The following RELA variants were observed in gnomAD, a reference collection of about 807,000 sequenced individuals.
RELA encodes the protein transcription factor p65.
A neutral mutation model predicts 56.7 loss-of-function variants in RELA; 14 were observed. The ratio of observed to expected loss-of-function variants is 0.25; its 90% CI spans 0.16 to 0.39. RELA has a LOEUF of 0.39. RELA is among the 10% of genes least tolerant of loss of function. The pLI is 1.00. For missense variants in RELA, 559 were observed against 736.4 expected (o/e 0.76, Z 2.79); for synonymous variants, 315 against 289.7 (o/e 1.09, Z -0.89).
chr11:65,658,888 G>A lies in RELA; in HGVS notation c.560-66C>T. ...GAGGTCCCCAGGGTGGCCTGCAGGA[G>A]ATGCAACTTCCCTGCCCAGCCCAGA... is the stretch of plus-strand genomic sequence containing the variant. On this transcript the variant is annotated intron_variant, in intron 6 of 10. Transcript: ENST00000406246. This position sits in a 1 kb window ranked among gnomAD's most constrained non-coding sequence, Gnocchi z 4.5. 1 of 1,312,112 alleles carries A rather than the reference G, an allele frequency of 7.6e-7. No individual in the cohort carries two copies. The highest frequency in any genetic ancestry group is 2.3e-5 in the East Asian group (1 of 43,504). The allele number at this position is 1,312,112 out of a possible 1,614,324, so 81.3% of individuals were successfully genotyped here. A position where few individuals can be genotyped will look rare whatever the true frequency, so the allele number is the denominator to read the frequency against.
chr11:65,662,550 G>GC, intron 1 of RELA: 1 of 424,632 alleles, frequency 2.4e-6, no homozygotes, highest in Non-Finnish European at 4.1e-6. Flanking sequence ...AGCCAGAGCT[G>GC]CCCCCATGGA....
rs376030461 is a variant in RELA at position 65,656,917 on chromosome 11, CG to C, written c.878-983del. 2.3e-3 allele frequency among the ~76,000 whole-genome samples: 349 copies of C among 152,094 alleles called. 1 individual carries two copies. Among genetic ancestry groups the C allele is most frequent in the African/African-American group, 7.9e-3 (329 of 41,472 alleles). On this transcript the variant is annotated intron_variant, in intron 8 of 10. Transcript: ENST00000406246. ...GCGGGCGCCTGTAGTCCCAGCTACT[CG>C]GGAGGCTGAGGCAGGGAGAATCACT...
Position 65,654,305 on chromosome 11 carries a change from G to T in RELA, c.*73C>A. 6.3e-7 allele frequency: 1 copy of T among 1,596,934 alleles called. No individual in the cohort carries two copies. The highest frequency in any genetic ancestry group is 2.2e-5 in the East Asian group (1 of 44,742). On this transcript the variant is annotated 3_prime_UTR_variant, in exon 11 of 11. Transcript: ENST00000406246. ...GGGGCAGTTGGAACACACCCCACCAGAATCCGTAAGTGCTTTTGGAGGGCT... is the reference window on the plus strand; with the variant it reads ...GGGGCAGTTGGAACACACCCCACCATAATCCGTAAGTGCTTTTGGAGGGCT...
At chr11:65,659,333 C>T (rs938225736) in intron 6 of RELA, among the ~76,000 whole-genome samples, 2 of 152,204 alleles carry the variant, frequency 1.3e-5, no homozygotes, top group Non-Finnish European at 2.9e-5. Flanking sequence ...TCATCATTCT[C>T]GAACACTATC....
At chr11:65,656,438 A>C (rs199750049) in intron 8 of RELA, among the ~76,000 whole-genome samples, 1 of 152,192 alleles carries the variant, frequency 6.6e-6, no homozygotes, top group Non-Finnish European at 1.5e-5. Context: ...AAGCACTTCA[A>C]TTCCATCAAT....
intron 8 of RELA, 115 bp from the exon 9 acceptor site, chr11:65,656,050 C>T: frequency 3.6e-6 from 3 of 836,582 alleles, no homozygotes; most frequent in Non-Finnish European, 6.0e-6. Context: ...CCCATTCTCC[C>T]AACCTTCTCT....
Position 65,654,487 on chromosome 11 carries a change from G to A in RELA, c.1547C>T (p.Ala516Val). 1 of 1,602,302 alleles carries A rather than the reference G, an allele frequency of 6.2e-7. No homozygotes were observed. The highest frequency in any genetic ancestry group is 8.5e-7 in the Non-Finnish European group (1 of 1,176,042). ...GAQRPPDPAP[A>V]PLGAPGLPNG... is the part of the protein sequence containing the mutation. ...GGGGAGCCCCGGGGCCCCCAGTGGAGCAGGAGCTGGGTCGGGGGGCCTCTG... is the reference window on the plus strand; with the variant it reads ...GGGGAGCCCCGGGGCCCCCAGTGGAACAGGAGCTGGGTCGGGGGGCCTCTG... The change falls in exon 11 of 11, where the codon GCT becomes GTT. Residue 516 changes from alanine (A) to valine (V), a missense_variant. This residue lies in a region of RELA where 365 missense variants were observed against 387.5 expected (regional missense o/e 0.94). Transcript: ENST00000406246.
In RELA at chr11:65,654,837, C is replaced by T. The variant is rs1341628692; in HGVS notation, c.1197G>A (p.Met399Ile). Residue 399 changes from methionine to isoleucine, a missense_variant, in exon 11 of 11, where the codon ATG (methionine) becomes ATA (isoleucine). Transcript: ENST00000406246. ...CTGGGGCCTGGGCCAGAGCTGATAC[C>T]ATGGCTGGAGCAGGGGCAGGGGCTG... ...QAPAPAPAPA[M>I]VSALAQAPAP... 1 of 1,552,808 alleles carries T rather than the reference C, an allele frequency of 6.4e-7. No homozygotes were observed. Among genetic ancestry groups the T allele is most frequent in the South Asian group, 1.2e-5 (1 of 84,496 alleles).
chr11:65,660,531 C>A, intron 4 of RELA: 1 of 361,054 alleles, frequency 2.8e-6, no homozygotes. Flanking sequence ...TTGGAATGTT[C>A]TTTTCCTACT....
At chr11:65,659,515 A>G in intron 6 of RELA, 151 bp downstream of exon 6, 2 of 1,053,388 alleles carry the variant, frequency 1.9e-6, no homozygotes, top group East Asian at 2.4e-5. Context: ...CTCTCTCCCC[A>G]GCCAACAAAG....
chr11:65,661,733 C>T lies in RELA; in HGVS notation c.289G>A (p.Asp97Asn), dbSNP rs766963304. ...CAGAGCTCAGCCTCATAGAAGCCAT[C>T]CCGGCAGTCCTTTCCTACAAGCTCG... The part of the protein sequence containing the change: ...PHELVGKDCR[D>N]GFYEAELCPD... The change falls in exon 4 of 11, where the codon GAT (aspartate) becomes AAT (asparagine). Residue 97 changes from aspartate (D) to asparagine (N), a missense_variant. Transcript: ENST00000406246. The T allele has an allele frequency of 1.2e-6, 2 of 1,612,782 alleles. No homozygotes were observed. Among genetic ancestry groups the T allele is most frequent in the African/African-American group, 2.7e-5 (2 of 74,916 alleles).
At chr11:65,660,251 A>C in intron 4 of RELA, 36 bp from the exon 5 acceptor site, 65 of 1,601,378 alleles carry the variant, frequency 4.1e-5, no homozygotes, top group Non-Finnish European at 5.3e-5. Flanking sequence ...ACTGTCTCTC[A>C]CAGAGCCCAG....
upstream of RELA, among the ~76,000 whole-genome samples, chr11:65,663,538 C>T (rs115075550): frequency 0.014 from 2,192 of 152,324 alleles, 45 homozygotes; most frequent in African/African-American, 0.049. Context: ...CGCTGGCGAG[C>T]TGGCCGAGGG....
At chr11:65,662,791 C>A in intron 1 of RELA, 35 bp downstream of exon 1, 1 of 1,197,650 alleles carries the variant, frequency 8.3e-7, no homozygotes, top group Non-Finnish European at 1.0e-6. Flanking sequence ...GCGGCCCCGG[C>A]GATGCCACCC....
At chr11:65,661,028 A>G (rs546303048) in intron 4 of RELA, among the ~76,000 whole-genome samples, 3 of 131,696 alleles carry the variant, frequency 2.3e-5, no homozygotes, top group Non-Finnish European at 4.7e-5. Flanking sequence ...ACAGAGCAAG[A>G]CTCTTTCTTA....
rs1237266502 is a variant in RELA at position 65,654,202 on chromosome 11, AAG to A, written c.*174_*175del. On this transcript the variant is annotated 3_prime_UTR_variant, in exon 11 of 11. Transcript: ENST00000406246. ...ATGCTTCTGCTTAAGCACCTCCAAA[AAG>A]AGAGAGAGATACAGATACTGACAAT... 7.9e-5 allele frequency: 67 copies of A among 845,432 alleles called. No individual in the cohort carries two copies. The highest frequency in any genetic ancestry group is 1.0e-4 in the Non-Finnish European group (52 of 510,564). 52.4% of individuals were successfully genotyped at this position (845,432 alleles called of 1,614,324 possible). A position where few individuals can be genotyped will look rare whatever the true frequency, so the allele number is the denominator to read the frequency against.
At position 65,654,921 on chromosome 11, in the gene RELA, C is replaced by G; in HGVS notation, c.1113G>C (p.Gly371=). 1.2e-6 allele frequency: 2 copies of G among 1,600,228 alleles called. No homozygotes were observed. Among genetic ancestry groups the G allele is most frequent in the South Asian group, 2.3e-5 (2 of 88,586 alleles). ...CCAAGGCCGAGGCCTGGCTGATCTG[C>G]CCAGAAGGAAACACCATGGTGGGAA... ...DEFPTMVFPS[G]QISQASALAP... is the part of the protein sequence containing the mutation. The change falls in exon 11 of 11, where the codon GGG becomes GGC. Residue 371 remains glycine, a synonymous_variant. Transcript: ENST00000406246.
chr11:65,662,066 G>A lies in RELA; in HGVS notation c.57C>T (p.Pro19=), dbSNP rs1367224628. The A allele has an allele frequency of 2.5e-6, 4 of 1,612,128 alleles. No homozygotes were observed. The highest frequency in any genetic ancestry group is 2.5e-6 in the Non-Finnish European group (3 of 1,179,392). Residue 19 remains proline (P), a synonymous_variant, in exon 3 of 11, where the codon CCC becomes CCT. Transcript: ENST00000406246. ...TGGGCTGCTCAATGATCTCCACATA[G>A]GGGCCAGAGGCCTGGGCTGGCTCTG... ...FPAEPAQASG[P]YVEIIEQPKQ... is the part of the protein sequence containing the mutation.
At chr11:65,655,231 C>T (rs1856393055) in intron 10 of RELA, 1 of 583,184 alleles carries the variant, frequency 1.7e-6, no homozygotes, top group Non-Finnish European at 3.0e-6. Context: ...CGAAACTCTT[C>T]CAGCCTTTTA....
Sources: allele counts gnomAD v4.1 joint callset (sites outside exome capture counted in the v4.1 genomes callset), GRCh38; gene constraint gnomAD v4.1.1; regional missense constraint gnomAD v4.1.1; non-coding constraint Gnocchi (gnomAD v3.1); transcripts MANE v1.5; gene names NCBI Gene and HGNC (gene_info 2026-07-23, HGNC 2026-07-21).